ATP2B2: variants seen among roughly 807,000 people sequenced by gnomAD.
ATP2B2 encodes the protein ATPase plasma membrane Ca2+ transporting 2, also known as plasma membrane calcium-transporting ATPase 2.
ATP2B2 carries 15 observed loss-of-function variants against 120.0 expected under a neutral mutation model. The observed-to-expected ratio is 0.12, with a 90% confidence interval of 0.08 to 0.19. ATP2B2 has a LOEUF of 0.19. Among genes scored for constraint, ATP2B2 ranks in the 10% least tolerant of loss-of-function variants. ATP2B2 has a pLI of 1.00. For synonymous variants in ATP2B2, 694 were observed against 700.3 expected (o/e 0.99, Z 0.14); for missense variants, 1,045 against 1,719.8 (o/e 0.61, Z 6.94).
intron 1 of ATP2B2, among the ~76,000 whole-genome samples, chr3:10,665,273 T>C (rs922239223): frequency 6.6e-6 from 1 of 152,198 alleles, no homozygotes; most frequent in Non-Finnish European, 1.5e-5. Flanking sequence ...CACAGGCCCT[T>C]TGCACAGGCT....
intron 2 of ATP2B2, among the ~76,000 whole-genome samples, chr3:10,439,407 G>A (rs1340132867): frequency 6.6e-6 from 1 of 152,170 alleles, no homozygotes; most frequent in Non-Finnish European, 1.5e-5. Flanking sequence ...GGTGGACTGA[G>A]CACCCTTTTC....
At chr3:10,653,785 C>A (rs1344432070) in intron 1 of ATP2B2, among the ~76,000 whole-genome samples, 1 of 152,166 alleles carries the variant, frequency 6.6e-6, no homozygotes, top group Non-Finnish European at 1.5e-5. Context: ...CTACGTCTTA[C>A]TATAGCCTAC....
rs992479975 is a variant in ATP2B2, at chr3:10,375,547, C to A, written c.1299G>T (p.Thr433=). Residue 433 remains threonine (T), a synonymous_variant, in exon 11 of 23, where the codon ACG becomes ACT. Transcript: ENST00000360273. This position sits in a 1 kb window ranked among gnomAD's most constrained non-coding sequence, Gnocchi z 4.2. ...VNKKPWLPEC[T]PVYVQYFVKF... is the part of the protein sequence containing the mutation. Reference sequence around the variant, plus strand: ...TGACAAAGTACTGCACGTAGACGGGCGTGCACTCAGGCAGCCACGGCTTCT... The same window carrying A: ...TGACAAAGTACTGCACGTAGACGGGAGTGCACTCAGGCAGCCACGGCTTCT... The A allele has an allele frequency of 1.2e-6, 2 of 1,613,690 alleles. No homozygotes were observed. The highest frequency in any genetic ancestry group is 1.7e-5 in the Admixed American group (1 of 60,022).
chr3:10,445,530 C>A (rs956132792), intron 2 of ATP2B2, among the ~76,000 whole-genome samples: 4 of 152,202 alleles, frequency 2.6e-5, no homozygotes, highest in African/African-American at 9.7e-5. Context: ...GCAGGTTTAC[C>A]CAACAGGTGT....
intron 1 of ATP2B2, among the ~76,000 whole-genome samples, chr3:10,467,077 G>A (rs1350386352): frequency 6.6e-6 from 1 of 152,220 alleles, no homozygotes; most frequent in African/African-American, 2.4e-5. Context: ...TGGCTTCTAA[G>A]AGACTTCTAC....
intron 1 of ATP2B2, among the ~76,000 whole-genome samples, chr3:10,651,376 C>A (rs1015783947): frequency 2.0e-5 from 3 of 152,130 alleles, no homozygotes; most frequent in African/African-American, 4.8e-5. Flanking sequence ...CTGTTCTGTT[C>A]TCATGATAGT....
At chr3:10,681,119 G>A (rs989738239) in intron 1 of ATP2B2, among the ~76,000 whole-genome samples, 38 of 152,174 alleles carry the variant, frequency 2.5e-4, no homozygotes, top group African/African-American at 8.9e-4. Context: ...CCCAGAAGCT[G>A]AGCAGACATT....
chr3:10,351,598 G>C (rs1454082517), intron 14 of ATP2B2, among the ~76,000 whole-genome samples: 1 of 152,132 alleles, frequency 6.6e-6, no homozygotes, highest in Non-Finnish European at 1.5e-5. Context: ...ACTATGGATT[G>C]AGTTGTATTC....
upstream of ATP2B2, among the ~76,000 whole-genome samples, chr3:10,508,781 A>C (rs190591073): frequency 9.9e-5 from 15 of 152,250 alleles, no homozygotes; most frequent in East Asian, 2.5e-3. Flanking sequence ...TAGTGTTGCA[A>C]CTCCAGGAAG....
At chr3:10,618,068 G>A (rs373208741) in intron 2 of ATP2B2, among the ~76,000 whole-genome samples, 2 of 152,216 alleles carry the variant, frequency 1.3e-5, no homozygotes, top group African/African-American at 4.8e-5. Flanking sequence ...AACATGCCGT[G>A]GCAGGGAAGT....
chr3:10,654,215 C>G (rs529756119), intron 1 of ATP2B2, among the ~76,000 whole-genome samples: 1 of 152,250 alleles, frequency 6.6e-6, no homozygotes, highest in South Asian at 2.1e-4. Flanking sequence ...AACTTAAACC[C>G]TGGCAGCCTG....
At chr3:10,486,268 G>A (rs2065650376) in intron 1 of ATP2B2, among the ~76,000 whole-genome samples, 1 of 152,132 alleles carries the variant, frequency 6.6e-6, no homozygotes, top group African/African-American at 2.4e-5. Context: ...AACTGTTGCA[G>A]GGATTTAATG....
chr3:10,452,789 T>A (rs1205817058), intron 1 of ATP2B2, among the ~76,000 whole-genome samples: 1 of 152,076 alleles, frequency 6.6e-6, no homozygotes, highest in Non-Finnish European at 1.5e-5. Flanking sequence ...AGAATTGAGA[T>A]GAGGAGATGC....
chr3:10,435,327 G>A (rs935247778), intron 2 of ATP2B2, among the ~76,000 whole-genome samples: 1 of 152,076 alleles, frequency 6.6e-6, no homozygotes, highest in African/African-American at 2.4e-5. Context: ...GAAGCAGGGG[G>A]GTCTGAGGTT....
In ATP2B2 at chr3:10,390,109, G is replaced by A. The variant is rs1219532470; in HGVS notation, c.782-1707C>T. On this transcript the variant is annotated intron_variant, in intron 5 of 22. Coordinates refer to ENST00000360273, the MANE Select transcript of ATP2B2 (RefSeq NM_001001331.4). Reference sequence around the variant, plus strand: ...GGGAGTAAGAATTCCACCCTGGCCTGGCTGGACAGTGTCACAGAGGCCTTG... The same window carrying A: ...GGGAGTAAGAATTCCACCCTGGCCTAGCTGGACAGTGTCACAGAGGCCTTG... Among the ~76,000 whole-genome samples, 3 of 152,160 alleles carry A rather than the reference G, an allele frequency of 2.0e-5. No individual in the cohort carries two copies. In the East Asian group the frequency reaches 5.8e-4, roughly 29 times the overall value.
At chr3:10,441,328 C>T (rs2063658206) in intron 2 of ATP2B2, among the ~76,000 whole-genome samples, 1 of 152,180 alleles carries the variant, frequency 6.6e-6, no homozygotes, top group South Asian at 2.1e-4. Context: ...CAACCTCTGC[C>T]TCCCGGGTTC....
At chr3:10,409,701 G>T (rs1275277363) in intron 3 of ATP2B2, among the ~76,000 whole-genome samples, 1 of 152,162 alleles carries the variant, frequency 6.6e-6, no homozygotes, top group Non-Finnish European at 1.5e-5. Flanking sequence ...TGGCTTGGGA[G>T]GGGGCAGGAC....
At chr3:10,536,498 C>T (rs2067321119) in intron 2 of ATP2B2, among the ~76,000 whole-genome samples, 1 of 149,778 alleles carries the variant, frequency 6.7e-6, no homozygotes, top group Non-Finnish European at 1.5e-5. Context: ...TCTCCTTCTC[C>T]TTCTTTTCCT....
At chr3:10,406,039 G>C (rs1371422635) in intron 3 of ATP2B2, among the ~76,000 whole-genome samples, 1 of 152,132 alleles carries the variant, frequency 6.6e-6, no homozygotes, top group Non-Finnish European at 1.5e-5. Flanking sequence ...GGACTAACAG[G>C]CTGCAGAGTT....
Sources: allele counts gnomAD v4.1 joint callset (sites outside exome capture counted in the v4.1 genomes callset), GRCh38; gene constraint gnomAD v4.1.1; non-coding constraint Gnocchi (gnomAD v3.1); transcripts MANE v1.5; gene names NCBI Gene and HGNC (gene_info 2026-07-23, HGNC 2026-07-21).